Variants in MACF1 observed in about 807,000 individuals in gnomAD.
MACF1 encodes microtubule actin crosslinking factor 1, also known as microtubule-actin cross-linking factor 1.
A neutral mutation model predicts 854.8 loss-of-function variants in MACF1; 193 were observed. The ratio of observed to expected loss-of-function variants is 0.23; its 90% CI spans 0.20 to 0.25. The LOEUF (loss-of-function observed/expected upper bound fraction) is 0.25. MACF1 is among the 10% of genes least tolerant of loss of function. The pLI is 1.00. For missense variants in MACF1, 7,722 were observed against 8,929.1 expected (o/e 0.86, Z 5.45); for synonymous variants, 3,185 against 3,226.7 (o/e 0.99, Z 0.44).
chr1:39,221,120 G>A (rs761985535), intron 1 of MACF1, among the ~76,000 whole-genome samples: 5 of 152,170 alleles, frequency 3.3e-5, no homozygotes, highest in Non-Finnish European at 5.9e-5. Context: ...AGATCGGAAT[G>A]GTTGCAGTTG....
chr1:39,275,469 A>C (rs973829157), intron 6 of MACF1, among the ~76,000 whole-genome samples: 3 of 152,108 alleles, frequency 2.0e-5, no homozygotes, highest in Non-Finnish European at 2.9e-5. Flanking sequence ...CACAGTAGCC[A>C]TAAACTCCTG....
chr1:39,143,982 C>G (rs1001823917), intron 2 of MACF1, among the ~76,000 whole-genome samples: 1 of 151,298 alleles, frequency 6.6e-6, no homozygotes, highest in African/African-American at 2.4e-5. Context: ...TAGAGATGGG[C>G]TTTCACTGTG....
chr1:39,149,348 C>T (rs953716701), intron 2 of MACF1, among the ~76,000 whole-genome samples: 1 of 151,906 alleles, frequency 6.6e-6, no homozygotes, highest in African/African-American at 2.4e-5. Flanking sequence ...TATGGTGAAA[C>T]CCCGTCTCTA....
chr1:39,476,101 A>G (rs1644876821), intron 97 of MACF1, among the ~76,000 whole-genome samples: 1 of 152,212 alleles, frequency 6.6e-6, no homozygotes, highest in Non-Finnish European at 1.5e-5. Flanking sequence ...CTCATAGCAC[A>G]ATAATTGGCC....
intron 58 of MACF1, chr1:39,413,206 G>A (rs1643109186): frequency 6.2e-7 from 1 of 1,613,412 alleles, no homozygotes; most frequent in Non-Finnish European, 8.5e-7. Context: ...AGCTACCACA[G>A]TGCATGCTCC....
At chr1:39,182,016 T>C (rs912932608) in intron 2 of MACF1, among the ~76,000 whole-genome samples, 2 of 151,942 alleles carry the variant, frequency 1.3e-5, no homozygotes, top group African/African-American at 4.8e-5. Context: ...CTGGATGTGG[T>C]GGCGGGCACC....
At chr1:39,301,030 C>T (rs1646029246) in intron 22 of MACF1, among the ~76,000 whole-genome samples, 1 of 152,120 alleles carries the variant, frequency 6.6e-6, no homozygotes, top group Non-Finnish European at 1.5e-5. Context: ...AAATAAAAGG[C>T]ATAAGTTTCT....
chr1:39,396,260 C>G (rs1642267445), intron 58 of MACF1, among the ~76,000 whole-genome samples: 1 of 147,976 alleles, frequency 6.8e-6, no homozygotes. Context: ...GTGGAGGTTG[C>G]AGTGAGCCGA....
Position 39,335,526 on chromosome 1 carries a change from G to A in MACF1, c.8938G>A (p.Val2980Met). Reference protein sequence around the residue: ...RVKSKREKREVIVEESIRTCK... With the variant: ...RVKSKREKREMIVEESIRTCK... ...GAAAAGTAAGAGAGAGAAGAGGGAG[G>A]TGATTGTAGAAGAAAGTATCAGAAC... Residue 2980 changes from valine (V) to methionine (M), a missense_variant, in exon 37 of 101, where the codon GTG becomes ATG. Physicochemically the swap from Val to Met is conservative, Grantham distance 21. This residue lies in a region of MACF1 where 854 missense variants were observed against 852.6 expected (regional missense o/e 1.00). Coordinates refer to ENST00000564288, the MANE Select transcript of MACF1 (RefSeq NM_001394062.1). 6.2e-7 allele frequency: 1 copy of A among 1,614,104 alleles called. No homozygotes were observed.
chr1:39,159,031 G>A (rs1249502114), intron 2 of MACF1, among the ~76,000 whole-genome samples: 1 of 152,142 alleles, frequency 6.6e-6, no homozygotes, highest in Admixed American at 6.5e-5. Flanking sequence ...GTATTACAAG[G>A]CTTCAGGCTC....
intron 6 of MACF1, among the ~76,000 whole-genome samples, chr1:39,264,281 A>T (rs2148350079): frequency 6.6e-6 from 1 of 152,244 alleles, no homozygotes; most frequent in East Asian, 1.9e-4. Flanking sequence ...ACTTTCCTTC[A>T]GTTTGCCTAT....
At chr1:39,198,448 C>T (rs1644350051) in intron 2 of MACF1, among the ~76,000 whole-genome samples, 3 of 151,396 alleles carry the variant, frequency 2.0e-5, no homozygotes, top group East Asian at 3.9e-4. Context: ...GTCAGGAGTT[C>T]GAGACCAGCC....
At position 39,333,847 on chromosome 1, in the gene MACF1, T is replaced by C. The variant is rs746960881; in HGVS notation, c.7259T>C (p.Val2420Ala). 8.2e-5 allele frequency: 133 copies of C among 1,613,960 alleles called. No homozygotes were observed. The highest frequency in any genetic ancestry group is 1.1e-4 in the Non-Finnish European group (127 of 1,180,022). Residue 2420 changes from valine to alanine, a missense_variant, in exon 37 of 101, where the codon GTT becomes GCT. Physicochemically the swap from Val to Ala is moderately conservative, Grantham distance 64. Around this residue, in one of 15 missense-constraint regions of MACF1, gnomAD observed 1,531 missense variants for 1,601.6 expected, o/e 0.96. Coordinates refer to ENST00000564288, the MANE Select transcript of MACF1 (RefSeq NM_001394062.1). ...GIIDLKRGKKVSVTLASTLGL... is the reference protein window; with the variant it reads ...GIIDLKRGKKASVTLASTLGL... ...ATTGATCTGAAACGAGGCAAAAAAGTTTCAGTAACTTTGGCCTCAACTCTT... is the reference window on the plus strand; with the variant it reads ...ATTGATCTGAAACGAGGCAAAAAAGCTTCAGTAACTTTGGCCTCAACTCTT...
intron 18 of MACF1, 30 bp downstream of exon 18, chr1:39,293,649 TA>T (rs780562148): frequency 4.4e-6 from 7 of 1,592,876 alleles, no homozygotes; most frequent in Non-Finnish European, 6.0e-6. Context: ...AGGCCTGTCA[TA>T]CTTATTTAAC....
Position 39,336,666 on chromosome 1 carries a change from C to CTTT in MACF1, c.10065+23_10065+25dup. 1.7e-6 allele frequency: 2 copies of CTTT among 1,212,026 alleles called. No individual in the cohort carries two copies. Among genetic ancestry groups the CTTT allele is most frequent in the Non-Finnish European group, 1.1e-6 (1 of 894,486 alleles). The allele number at this position is 1,212,026 out of a possible 1,614,324, so 75.1% of individuals were successfully genotyped here. ...CAGAGCAACTCAGGTCAGTGGTGTG[C>CTTT]TTTTTTTTTTTTCTTCCTAAAGATA... On this transcript the variant is annotated intron_variant, in intron 37 of 100. Transcript: ENST00000564288.
chr1:39,336,181 A>C lies in MACF1; in HGVS notation c.9593A>C (p.Glu3198Ala), dbSNP rs750420489. 1 of 1,614,216 alleles carries C rather than the reference A, an allele frequency of 6.2e-7. No homozygotes were observed. Among genetic ancestry groups the C allele is most frequent in the Non-Finnish European group, 8.5e-7 (1 of 1,180,030 alleles). ...ACAGTTTCTAGACCAGATTCAAAAGAAGTCAGGTATCTAGAATTCTCAGAC... is the reference window on the plus strand; with the variant it reads ...ACAGTTTCTAGACCAGATTCAAAAGCAGTCAGGTATCTAGAATTCTCAGAC... The part of the protein sequence containing the change: ...EITVSRPDSK[E>A]VRYLEFSDRK... The change falls in exon 37 of 101, where the codon GAA (glutamate) becomes GCA (alanine). Residue 3198 changes from glutamate (E) to alanine (A), a missense_variant. Glu to Ala is a moderately radical substitution (Grantham distance 107). This residue lies in a region of MACF1 where 854 missense variants were observed against 852.6 expected (regional missense o/e 1.00). Transcript: ENST00000564288.
At chr1:39,251,286 C>G (rs918074464) in intron 3 of MACF1, among the ~76,000 whole-genome samples, 1 of 152,028 alleles carries the variant, frequency 6.6e-6, no homozygotes, top group Non-Finnish European at 1.5e-5. Flanking sequence ...CTCTCTGGCT[C>G]GTGTTTATAA....
intron 2 of MACF1, among the ~76,000 whole-genome samples, chr1:39,184,655 C>T (rs1037399398): frequency 1.8e-4 from 27 of 151,858 alleles, no homozygotes; most frequent in Admixed American, 6.6e-4. Flanking sequence ...CTTTTCATAT[C>T]GCAAAGCAGT....
In MACF1 at chr1:39,102,895, C is replaced by T. The variant is rs532097886; in HGVS notation, c.220+18457C>T. 2.2e-3 allele frequency: 1,558 copies of T among 702,474 alleles called. 20 individuals are homozygous for T. The highest frequency in any genetic ancestry group is 0.012 in the South Asian group (841 of 67,582). 43.5% of individuals were successfully genotyped at this position (702,474 alleles called of 1,614,324 possible). On this transcript the variant is annotated intron_variant, in intron 2 of 93. Coordinates refer to the MACF1 transcript ENST00000361689. The stretch of plus-strand genomic sequence containing the variant: ...AAGCGAAAAACCTCCCCTTCATAGA[C>T]TTCCTTCTTCCCATCCCCCCTGGCA...
Sources: allele counts gnomAD v4.1 joint callset (sites outside exome capture counted in the v4.1 genomes callset), GRCh38; gene constraint gnomAD v4.1.1; regional missense constraint gnomAD v4.1.1; transcripts MANE v1.5; gene names NCBI Gene and HGNC (gene_info 2026-07-23, HGNC 2026-07-21).